The following ATXN7 variants were observed in gnomAD, a reference collection of about 807,000 sequenced individuals.
ATXN7 encodes ataxin-7.
In ATXN7, 12 loss-of-function variants were observed where a neutral mutation model predicts 70.5. That is an observed-to-expected ratio of 0.17 (90% CI 0.11 to 0.28). ATXN7 has a LOEUF of 0.28. Among genes scored for constraint, ATXN7 ranks in the 10% least tolerant of loss-of-function variants. The pLI is 1.00. For synonymous variants in ATXN7, 498 were observed against 448.7 expected (o/e 1.11, Z -1.39); for missense variants, 1,256 against 1,131.7 (o/e 1.11, Z -1.58).
rs1260165468 is a variant in ATXN7 at position 63,965,795 on chromosome 3, G to T, written c.499+13312G>T. ...AGTATTTGCTTAAACATTTTATTCA[G>T]GGCATTAAGGGGGCACATGTGAGTG... On this transcript the variant is annotated intron_variant, in intron 5 of 12. Coordinates refer to ENST00000674280, the MANE Select transcript of ATXN7 (RefSeq NM_001377405.1). Among the ~76,000 whole-genome samples, 4 of 152,162 alleles carry T rather than the reference G, an allele frequency of 2.6e-5. No homozygotes were observed. In the East Asian group the frequency reaches 7.7e-4, roughly 29 times the overall value.
intron 2 of ATXN7, among the ~76,000 whole-genome samples, chr3:63,899,596 AC>A (rs1332783966): frequency 4.0e-5 from 6 of 151,046 alleles, no homozygotes; most frequent in Non-Finnish European, 8.8e-5. Flanking sequence ...ACATAGCTAC[AC>A]CCCCAACTCT....
intron 5 of ATXN7, among the ~76,000 whole-genome samples, chr3:63,979,018 A>G (rs1289815707): frequency 6.6e-6 from 1 of 152,246 alleles, no homozygotes; most frequent in East Asian, 1.9e-4. Flanking sequence ...AATTAATTAA[A>G]GGCAGCCACT....
intron 2 of ATXN7, among the ~76,000 whole-genome samples, chr3:63,902,844 C>CA (rs1288860365): frequency 1.0e-4 from 15 of 149,918 alleles, no homozygotes; most frequent in East Asian, 1.9e-4. Flanking sequence ...GTTTCTTCTT[C>CA]AAAAAAAAAT....
chr3:63,937,864 CTG>C (rs936300661), intron 4 of ATXN7, among the ~76,000 whole-genome samples: 14 of 152,240 alleles, frequency 9.2e-5, no homozygotes, highest in African/African-American at 2.9e-4. Context: ...CATTTGTAAA[CTG>C]GGGTTAAGAA....
intron 2 of ATXN7, among the ~76,000 whole-genome samples, chr3:63,907,179 GCA>G (rs1299200712): frequency 2.0e-5 from 3 of 152,178 alleles, no homozygotes; most frequent in African/African-American, 7.2e-5. Context: ...GTAGAAATAT[GCA>G]CAGAGAGGCT....
intron 2 of ATXN7, 122 bp from the exon 3 acceptor site, chr3:63,912,466 G>A: frequency 1.9e-6 from 1 of 534,798 alleles, no homozygotes; most frequent in Non-Finnish European, 2.4e-6. Flanking sequence ...GGGCGGCCAT[G>A]GGGGCGCTGT....
chr3:63,990,332 A>G lies in ATXN7; in HGVS notation c.1518A>G (p.Lys506=), dbSNP rs1575997067. Residue 506 remains lysine (K), a synonymous_variant, in exon 10 of 13, where the codon AAA becomes AAG. Coordinates refer to ENST00000674280, the MANE Select transcript of ATXN7 (RefSeq NM_001377405.1). ...EGDDKEESVE[K]LDCHYSGHHP... is the part of the protein sequence containing the mutation. Reference sequence around the variant, plus strand: ...ATGACAAAGAAGAGTCTGTTGAAAAACTGGACTGTCATTATTCAGGTCATC... The same window carrying G: ...ATGACAAAGAAGAGTCTGTTGAAAAGCTGGACTGTCATTATTCAGGTCATC... The G allele has an allele frequency of 6.2e-7, 1 of 1,613,816 alleles. No individual in the cohort carries two copies. Among genetic ancestry groups the G allele is most frequent in the Non-Finnish European group, 8.5e-7 (1 of 1,179,964 alleles).
intron 5 of ATXN7, chr3:63,967,954 C>T (rs748029012): frequency 6.5e-7 from 1 of 1,535,914 alleles, no homozygotes; most frequent in Non-Finnish European, 8.7e-7. Context: ...CCCTTCTGCG[C>T]AGGAGCTGAA....
intron 2 of ATXN7, chr3:63,901,232 A>G (rs140186730): frequency 5.3e-4 from 81 of 152,384 alleles, no homozygotes; most frequent in African/African-American, 1.9e-3. Context: ...ATAGCTAATT[A>G]ACGTAGGCAT....
intron 1 of ATXN7, among the ~76,000 whole-genome samples, chr3:63,884,678 C>G (rs1280970130): frequency 6.6e-6 from 1 of 151,460 alleles, no homozygotes; most frequent in Non-Finnish European, 1.5e-5. Flanking sequence ...GGATCAGGTT[C>G]TCCATCTGTC....
chr3:63,879,552 C>A (rs943667848), intron 1 of ATXN7, among the ~76,000 whole-genome samples: 2 of 148,830 alleles, frequency 1.3e-5, no homozygotes, highest in Non-Finnish European at 3.0e-5. Flanking sequence ...AGTACAGTGG[C>A]GCGATCTCGG....
At chr3:63,971,031 A>G (rs1404064314) in intron 5 of ATXN7, among the ~76,000 whole-genome samples, 1 of 152,152 alleles carries the variant, frequency 6.6e-6, no homozygotes, top group East Asian at 1.9e-4. Context: ...ATTTAAAAGC[A>G]CCTCCGCATT....
chr3:63,892,490 CACACCCA>C (rs1559622137), intron 1 of ATXN7, among the ~76,000 whole-genome samples: 6 of 150,124 alleles, frequency 4.0e-5, no homozygotes, highest in African/African-American at 7.5e-5. Context: ...CACACACACA[CACACCCA>C]CACACACACA....
intron 5 of ATXN7, among the ~76,000 whole-genome samples, chr3:63,974,922 A>T (rs1457673344): frequency 6.6e-6 from 1 of 152,186 alleles, no homozygotes. Context: ...GTAGCATCAG[A>T]TGTGTTTGGG....
intron 12 of ATXN7, chr3:63,997,770 A>G: frequency 2.0e-6 from 3 of 1,513,506 alleles, no homozygotes; most frequent in Non-Finnish European, 2.7e-6. Context: ...GGACTTTTTC[A>G]GAAAATACCA....
At chr3:63,926,036 T>A (rs779294623) in intron 4 of ATXN7, among the ~76,000 whole-genome samples, 1 of 152,206 alleles carries the variant, frequency 6.6e-6, no homozygotes, top group Non-Finnish European at 1.5e-5. Context: ...ATCCCCAAGT[T>A]TCTAGGTAAT....
intron 4 of ATXN7, among the ~76,000 whole-genome samples, chr3:63,926,273 C>A (rs1363701645): frequency 6.6e-6 from 1 of 152,088 alleles, no homozygotes; most frequent in Non-Finnish European, 1.5e-5. Flanking sequence ...CAGGCAACAA[C>A]AACGAGTTAA....
chr3:63,942,049 A>G (rs1187212592), intron 4 of ATXN7, among the ~76,000 whole-genome samples: 2 of 152,154 alleles, frequency 1.3e-5, no homozygotes, highest in Non-Finnish European at 2.9e-5. Context: ...GAGTCCTAGC[A>G]TCTCAGGAAA....
At chr3:63,931,693 T>G (rs1704970215) in intron 4 of ATXN7, among the ~76,000 whole-genome samples, 1 of 152,230 alleles carries the variant, frequency 6.6e-6, no homozygotes, top group South Asian at 2.1e-4. Context: ...TGATCTCCTT[T>G]GTCTCCACCC....
Sources: gnomAD v4.1 joint callset for allele counts (sites outside exome capture counted in the v4.1 genomes callset) on GRCh38, gnomAD v4.1.1 for gene constraint, MANE v1.5 for transcripts, NCBI Gene and HGNC (gene_info 2026-07-23, HGNC 2026-07-21) for gene names.